Variants in MCC observed in about 807,000 individuals in gnomAD.
MCC encodes the protein colorectal mutant cancer protein.
Under a neutral mutation model 116.2 loss-of-function variants are expected in MCC, and 90 were observed. That is an observed-to-expected ratio of 0.77 (90% confidence interval 0.65 to 0.92). The LOEUF (loss-of-function observed/expected upper bound fraction) is 0.92, where lower values mean the gene tolerates loss of function less well. Ranked by LOEUF, MCC falls within the 40% of genes least tolerant of loss-of-function variation. The pLI is 0.00. For synonymous variants in MCC, 578 were observed against 510.5 expected, an observed-to-expected ratio of 1.13 and a Z score of -1.78; for missense variants, 1,516 against 1,312.2, an observed-to-expected ratio of 1.16 and a Z score of -2.40.
At chr5:113,150,272 ACCCTG>A (rs1446574721) in intron 4 of MCC, among the ~76,000 whole-genome samples, 7 of 152,228 alleles carry the variant, frequency 4.6e-5, no homozygotes, top group African/African-American at 1.2e-4. Context: ...GCCATTTTAA[ACCCTG>A]CCTCCTGAAA....
intron 11 of MCC, among the ~76,000 whole-genome samples, chr5:113,081,831 A>C (rs1754876871): frequency 6.6e-6 from 1 of 152,226 alleles, no homozygotes; most frequent in African/African-American, 2.4e-5. Flanking sequence ...ATCAGGCAGG[A>C]CTAACATGAT....
chr5:113,310,956 T>C (rs1250280977), intron 3 of MCC, among the ~76,000 whole-genome samples: 3 of 152,200 alleles, frequency 2.0e-5, no homozygotes, highest in African/African-American at 7.2e-5. Flanking sequence ...ACTAGAGATA[T>C]AATAGCAATT....
intron 3 of MCC, among the ~76,000 whole-genome samples, chr5:113,277,408 A>T (rs941800662): frequency 3.3e-5 from 5 of 152,030 alleles, no homozygotes; most frequent in Admixed American, 6.6e-5. Flanking sequence ...CTGATAGTAA[A>T]ATACAAAATT....
chr5:113,217,502 A>G (rs935830806), intron 3 of MCC, among the ~76,000 whole-genome samples: 30 of 149,548 alleles, frequency 2.0e-4, no homozygotes, highest in African/African-American at 6.9e-4. Context: ...AGGTAAGTAC[A>G]TGGGGGCTAG....
intron 14 of MCC, among the ~76,000 whole-genome samples, chr5:113,060,337 T>C (rs934980988): frequency 1.3e-5 from 2 of 152,156 alleles, no homozygotes; most frequent in Non-Finnish European, 2.9e-5. Flanking sequence ...GTATTTTTAA[T>C]AGCAACAGGA....
intron 4 of MCC, among the ~76,000 whole-genome samples, chr5:113,146,218 T>G (rs1759507400): frequency 1.3e-4 from 1 of 7,982 alleles, no homozygotes; most frequent in South Asian, 4.5e-3. Context: ...ACAGGGGAGG[T>G]GATTACAACA....
intron 15 of MCC, among the ~76,000 whole-genome samples, chr5:113,049,995 T>A (rs1409730626): frequency 6.6e-6 from 1 of 152,204 alleles, no homozygotes; most frequent in African/African-American, 2.4e-5. Context: ...AATAGGACAG[T>A]GCCATCCTGG....
intron 3 of MCC, among the ~76,000 whole-genome samples, chr5:113,167,671 C>G (rs1474850333): frequency 1.3e-5 from 2 of 152,108 alleles, no homozygotes; most frequent in Non-Finnish European, 2.9e-5. Context: ...CTCTCTGTCA[C>G]CCACGCTGGA....
intron 17 of MCC, among the ~76,000 whole-genome samples, chr5:113,036,418 C>T (rs550046346): frequency 3.7e-4 from 57 of 152,304 alleles, no homozygotes; most frequent in Non-Finnish European, 7.6e-4. Context: ...TGTGCCCTTA[C>T]GCATCTCACT....
At chr5:113,066,133 T>C (rs1753585584) in intron 13 of MCC, among the ~76,000 whole-genome samples, 1 of 152,210 alleles carries the variant, frequency 6.6e-6, no homozygotes, top group Non-Finnish European at 1.5e-5. Flanking sequence ...AGCATTTCAT[T>C]ATTGATTTTG....
chr5:113,076,282 A>G (rs1221912737), intron 11 of MCC, among the ~76,000 whole-genome samples: 1 of 152,226 alleles, frequency 6.6e-6, no homozygotes, highest in Non-Finnish European at 1.5e-5. Flanking sequence ...AGGCAGACCA[A>G]CATTCACATT....
At chr5:113,361,954 C>G (rs1455393016) in intron 2 of MCC, among the ~76,000 whole-genome samples, 2 of 152,172 alleles carry the variant, frequency 1.3e-5, no homozygotes, top group East Asian at 3.9e-4. Context: ...CCTTTGGAGT[C>G]AGACTGAGCC....
intron 3 of MCC, among the ~76,000 whole-genome samples, chr5:113,186,073 A>G (rs1761882693): frequency 6.6e-6 from 1 of 152,058 alleles, no homozygotes; most frequent in Non-Finnish European, 1.5e-5. Flanking sequence ...AGTTTGTGGG[A>G]CTGACTGAGA....
chr5:113,220,013 T>C (rs1365703732), intron 3 of MCC, among the ~76,000 whole-genome samples: 1 of 151,358 alleles, frequency 6.6e-6, no homozygotes, highest in Non-Finnish European at 1.5e-5. Context: ...CTAATAAAAG[T>C]CCTTTACATT....
At chr5:113,101,967 A>G in intron 7 of MCC, 22 bp from the exon 8 acceptor site, 1 of 1,613,190 alleles carries the variant, frequency 6.2e-7, no homozygotes, top group South Asian at 1.1e-5. Context: ...AGCCCCAAAG[A>G]AAAGTCAAGT....
intron 3 of MCC, among the ~76,000 whole-genome samples, chr5:113,332,368 T>G (rs1581405256): frequency 6.6e-6 from 1 of 151,396 alleles, no homozygotes; most frequent in African/African-American, 2.5e-5. Context: ...TCCTAAGATT[T>G]ACTTAATTCT....
intron 1 of MCC, among the ~76,000 whole-genome samples, chr5:113,469,575 C>T (rs1330316890): frequency 6.6e-6 from 1 of 152,162 alleles, no homozygotes; most frequent in African/African-American, 2.4e-5. Flanking sequence ...TGTTCTTTTA[C>T]ATTTGCTGAG....
intron 16 of MCC, among the ~76,000 whole-genome samples, chr5:113,047,722 T>C (rs1236014320): frequency 2.0e-5 from 3 of 152,090 alleles, no homozygotes; most frequent in East Asian, 1.9e-4. Context: ...GCACAGAATA[T>C]AGATGACCCT....
intron 6 of MCC, among the ~76,000 whole-genome samples, chr5:113,113,743 A>G (rs1384957806): frequency 1.3e-5 from 2 of 151,870 alleles, no homozygotes; most frequent in African/African-American, 4.8e-5. Context: ...CACTAACCTG[A>G]TAACACTAAC....
Sources: gnomAD v4.1 joint callset for allele counts (sites outside exome capture counted in the v4.1 genomes callset) on GRCh38, gnomAD v4.1.1 for gene constraint, MANE v1.5 for transcripts, NCBI Gene and HGNC (gene_info 2026-07-23, HGNC 2026-07-21) for gene names.